Variants in VPS54 observed in about 807,000 individuals in gnomAD.
VPS54 encodes vacuolar protein sorting-associated protein 54.
Under a neutral mutation model 121.5 loss-of-function variants are expected in VPS54, and 45 were observed. The ratio of observed to expected loss-of-function variants is 0.37; its 90% CI spans 0.29 to 0.47. The LOEUF is 0.47. Among genes scored for constraint, VPS54 ranks in the 20% least tolerant of loss-of-function variants. The pLI is 0.99. For synonymous variants in VPS54, 371 were observed against 385.8 expected (o/e 0.96, Z 0.45); for missense variants, 1,090 against 1,131.4 (o/e 0.96, Z 0.52).
chr2:63,983,046 A>C (rs889808593), intron 2 of VPS54, among the ~76,000 whole-genome samples: 1 of 152,208 alleles, frequency 6.6e-6, no homozygotes, highest in Non-Finnish European at 1.5e-5. Flanking sequence ...TGTTTTAACT[A>C]AGCAGCTTTC....
Position 63,984,126 on chromosome 2 carries a change from C to A in VPS54, c.-20-107G>T, listed in dbSNP as rs1174078213. The A allele has an allele frequency of 8.5e-6, 8 of 944,020 alleles. No individual in the cohort carries two copies. The Admixed American group carries it at 1.6e-4, about 19-fold the overall frequency. The allele number at this position is 944,020 out of a possible 1,614,324, so 58.5% of individuals were successfully genotyped here. ...AGCAAAAGAATTTTTCAAAATACCTCAAAGTAGGCAATTTGAATATTTGCT... is the reference window on the plus strand; with the variant it reads ...AGCAAAAGAATTTTTCAAAATACCTAAAAGTAGGCAATTTGAATATTTGCT... On this transcript the variant is annotated intron_variant, in intron 1 of 22. Coordinates refer to ENST00000272322, the MANE Select transcript of VPS54 (RefSeq NM_016516.3).
rs1674595035 is a variant in VPS54, at chr2:63,939,034, A to G, written c.1398+3431T>C. Among the ~76,000 whole-genome samples the G allele has an allele frequency of 2.0e-5, 3 of 152,168 alleles. No homozygotes were observed. In the South Asian group the frequency reaches 6.2e-4, roughly 31 times the overall value. ...AATTTATAAATCCCAATAGCTTATT[A>G]TTTATCCATTCAAAATAAAAATACT... On this transcript the variant is annotated intron_variant, in intron 11 of 22. Transcript: ENST00000272322.
intron 3 of VPS54, among the ~76,000 whole-genome samples, chr2:63,974,498 A>C (rs1676427921): frequency 6.6e-6 from 1 of 152,220 alleles, no homozygotes; most frequent in Non-Finnish European, 1.5e-5. Context: ...GATTTTAATC[A>C]GGATTATGTT....
chr2:63,982,153 A>G (rs1676828696), intron 2 of VPS54, among the ~76,000 whole-genome samples: 1 of 152,186 alleles, frequency 6.6e-6, no homozygotes, highest in East Asian at 1.9e-4. Flanking sequence ...TAGTAAAGAA[A>G]GTCTTTCATG....
At chr2:64,010,990 G>A (rs2104703201) in intron 1 of VPS54, among the ~76,000 whole-genome samples, 1 of 152,252 alleles carries the variant, frequency 6.6e-6, no homozygotes, top group South Asian at 2.1e-4. Context: ...CTGAATGCAT[G>A]CGCTTCCTAA....
At chr2:63,950,070 T>C (rs1675168023) in intron 7 of VPS54, among the ~76,000 whole-genome samples, 1 of 152,204 alleles carries the variant, frequency 6.6e-6, no homozygotes, top group African/African-American at 2.4e-5. Context: ...CTATTAGCTG[T>C]TGAATTTCTC....
chr2:64,007,865 G>A (rs1678239260), intron 1 of VPS54, among the ~76,000 whole-genome samples: 1 of 152,162 alleles, frequency 6.6e-6, no homozygotes, highest in South Asian at 2.1e-4. Context: ...GCTGCAAAGA[G>A]ATCAAGGAGA....
At chr2:63,945,900 T>C (rs1674956330) in intron 9 of VPS54, among the ~76,000 whole-genome samples, 1 of 152,132 alleles carries the variant, frequency 6.6e-6, no homozygotes. Context: ...TTTTTAGAAA[T>C]TGCTTAAAAT....
chr2:63,972,350 G>A (rs1238849007), intron 3 of VPS54, 106 bp from the exon 4 acceptor site: 6 of 711,332 alleles, frequency 8.4e-6, no homozygotes, highest in South Asian at 2.7e-5. Context: ...TTAGTCCTAC[G>A]ACTTTTAATA....
At chr2:63,922,743 G>A (rs11125987) in intron 12 of VPS54, among the ~76,000 whole-genome samples, 54,387 of 151,934 alleles carry the variant, frequency 0.36, 11,081 homozygotes, top group Non-Finnish European at 0.45. Flanking sequence ...TTCAAAACAG[G>A]ATACCTGCAA....
Position 63,920,567 on chromosome 2 carries a change from T to G in VPS54, c.1930A>C (p.Thr644Pro). 6.4e-7 allele frequency: 1 copy of G among 1,574,794 alleles called. No individual in the cohort carries two copies. The highest frequency in any genetic ancestry group is 1.2e-5 in the South Asian group (1 of 85,560). The change falls in exon 14 of 23, where the codon ACA becomes CCA. Residue 644 changes from threonine (T) to proline (P), a missense_variant. Around this residue, in one of 2 missense-constraint regions of VPS54, gnomAD observed 801 missense variants for 757.0 expected, o/e 1.06. Transcript: ENST00000272322. ...EFITLSRLME[T>P]FILDTEQICG... ...ATCTGTTCGGTGTCTAAAATGAATG[T>G]TTCCATTAATCTAGAAAGTGTTATG... is the stretch of plus-strand genomic sequence containing the variant.
intron 1 of VPS54, among the ~76,000 whole-genome samples, chr2:63,997,136 TC>T (rs992914113): frequency 3.9e-5 from 6 of 152,170 alleles, no homozygotes; most frequent in African/African-American, 1.4e-4. Flanking sequence ...GGGGGCTGGT[TC>T]CCCCGTTAGA....
At chr2:63,904,464 A>AAAAAG (rs1672822280) in intron 20 of VPS54, among the ~76,000 whole-genome samples, 5 of 148,400 alleles carry the variant, frequency 3.4e-5, no homozygotes, top group African/African-American at 7.4e-5. Flanking sequence ...AAAAAAAAAA[A>AAAAAG]GGGAGATCAC....
At chr2:63,942,685 C>T (rs556485969) in intron 10 of VPS54, 124 bp from the exon 11 acceptor site, 1 of 754,146 alleles carries the variant, frequency 1.3e-6, no homozygotes, top group African/African-American at 1.9e-5. Context: ...ATCTAGATAC[C>T]TAACTAAAAT....
chr2:63,925,749 T>C (rs1019872398), intron 12 of VPS54, among the ~76,000 whole-genome samples: 34 of 152,312 alleles, frequency 2.2e-4, no homozygotes, highest in Middle Eastern at 3.4e-3. Context: ...AGAGCAAATA[T>C]ATTATTCCAT....
At chr2:63,896,796 G>T (rs1321413726) in intron 22 of VPS54, among the ~76,000 whole-genome samples, 3 of 152,032 alleles carry the variant, frequency 2.0e-5, no homozygotes, top group Non-Finnish European at 4.4e-5. Context: ...AATGATCAGT[G>T]CTTTAAATTT....
At chr2:63,976,016 C>A (rs761302442) in intron 3 of VPS54, among the ~76,000 whole-genome samples, 1 of 152,162 alleles carries the variant, frequency 6.6e-6, no homozygotes, top group Non-Finnish European at 1.5e-5. Context: ...AGGCGTGAGC[C>A]GACACGCCCG....
At chr2:63,972,462 A>G (rs1676332873) in intron 3 of VPS54, among the ~76,000 whole-genome samples, 1 of 152,224 alleles carries the variant, frequency 6.6e-6, no homozygotes, top group Non-Finnish European at 1.5e-5. Flanking sequence ...CATCCATTCC[A>G]TCTCATATAA....
Position 63,914,259 on chromosome 2 carries a change from G to A in VPS54, c.2257C>T (p.Leu753Phe). Residue 753 changes from leucine to phenylalanine, a missense_variant, in exon 17 of 23, where the codon CTT becomes TTT. Leu to Phe is a conservative substitution (Grantham distance 22, BLOSUM62 0). Transcript: ENST00000272322. ...TTATCCACACACTGGCAATATTCAA[G>A]GATAATTCTTATTAACAGCAATACG... ...GTVLLLIRII[L>F]EYCQCVDNIP... is the part of the protein sequence containing the mutation. The A allele has an allele frequency of 1.2e-6, 2 of 1,612,892 alleles. No homozygotes were observed. The highest frequency in any genetic ancestry group is 1.7e-6 in the Non-Finnish European group (2 of 1,179,418).
Sources: allele counts gnomAD v4.1 joint callset (sites outside exome capture counted in the v4.1 genomes callset), GRCh38; gene constraint gnomAD v4.1.1; regional missense constraint gnomAD v4.1.1; transcripts MANE v1.5; gene names NCBI Gene and HGNC (gene_info 2026-07-23, HGNC 2026-07-21).